RAB1A: variants seen among roughly 807,000 people sequenced by gnomAD.
RAB1A encodes the protein ras-related protein Rab-1A.
RAB1A carries 2 observed loss-of-function variants against 26.0 expected under a neutral mutation model. That is an observed-to-expected ratio of 0.08 (90% CI 0.03 to 0.24). The LOEUF is 0.24. RAB1A is among the 10% of genes least tolerant of loss of function. The probability of loss-of-function intolerance (pLI) is 1.00; values close to 1 mark genes in which losing one functional copy is unlikely to be tolerated. For missense variants in RAB1A, 100 were observed against 247.0 expected (o/e 0.40, Z 3.99); for synonymous variants, 84 against 84.9 (o/e 0.99, Z 0.06).
chr2:65,102,092 G>A (rs944081847), intron 2 of RAB1A, among the ~76,000 whole-genome samples: 2 of 151,968 alleles, frequency 1.3e-5, no homozygotes, highest in African/African-American at 4.8e-5. Context: ...TCATGTATTT[G>A]CCACTATTTC....
At position 65,120,435 on chromosome 2, in the gene RAB1A, G is replaced by A. The variant is rs117079778; in HGVS notation, c.23+9458C>T. ...CACACCACTACACTCCAGCCTGGGG[G>A]ACAAAGCGACACCTTGTCTCAAAAA... On this transcript the variant is annotated intron_variant, in intron 1 of 5. Transcript: ENST00000409784. 1.3e-3 allele frequency among the ~76,000 whole-genome samples: 158 copies of A among 119,454 alleles called. 5 individuals carry two copies. The East Asian group carries it at 0.037, about 28-fold the overall frequency. The allele number at this position is 119,454 out of a possible 152,430, so 78.4% of individuals were successfully genotyped here. A position where few individuals can be genotyped will look rare whatever the true frequency, so the allele number is the denominator to read the frequency against.
At chr2:65,101,742 CTTTTTTTTTT>C (rs71401771) in intron 2 of RAB1A, among the ~76,000 whole-genome samples, 244 of 70,686 alleles carry the variant, frequency 3.5e-3, no homozygotes, top group Admixed American at 6.8e-3. Context: ...GTATTACTTC[CTTTTTTTTTT>C]TTTTTTTTTT....
chr2:65,086,890 A>G lies in RAB1A; in HGVS notation c.*1603T>C, dbSNP rs1669044057. The stretch of plus-strand genomic sequence containing the variant: ...CTATGATTTTTATTGTGAAATTTTC[A>G]TAGATGGAAAATTGAATATTCTGTC... On this transcript the variant is annotated 3_prime_UTR_variant, in exon 6 of 6. Coordinates refer to ENST00000409784, the MANE Select transcript of RAB1A (RefSeq NM_004161.5). 1 of 152,768 alleles carries G rather than the reference A, an allele frequency of 6.5e-6. No individual in the cohort carries two copies. Among genetic ancestry groups the G allele is most frequent in the Non-Finnish European group, 1.5e-5 (1 of 68,020 alleles). The allele number at this position is 152,768 out of a possible 1,614,324, so 9.5% of individuals were successfully genotyped here. A position where few individuals can be genotyped will look rare whatever the true frequency, so the allele number is the denominator to read the frequency against.
intron 1 of RAB1A, among the ~76,000 whole-genome samples, chr2:65,107,528 C>G (rs546482341): frequency 6.6e-6 from 1 of 152,194 alleles, no homozygotes; most frequent in African/African-American, 2.4e-5. Flanking sequence ...ACTCTGTCGC[C>G]CAGGCTGGAG....
At chr2:65,097,324 G>A (rs564512050) in intron 3 of RAB1A, among the ~76,000 whole-genome samples, 26 of 152,176 alleles carry the variant, frequency 1.7e-4, no homozygotes, top group African/African-American at 5.3e-4. Flanking sequence ...GGGGCTGGGG[G>A]TGTAAAGATG....
At chr2:65,116,614 A>G (rs1422156071) in intron 1 of RAB1A, among the ~76,000 whole-genome samples, 1 of 152,240 alleles carries the variant, frequency 6.6e-6, no homozygotes, top group Non-Finnish European at 1.5e-5. Flanking sequence ...CCTTCCTCCC[A>G]GCAAAACCAT....
At chr2:65,116,110 T>C (rs1669818686) in intron 1 of RAB1A, among the ~76,000 whole-genome samples, 1 of 151,974 alleles carries the variant, frequency 6.6e-6, no homozygotes, top group Non-Finnish European at 1.5e-5. Flanking sequence ...TGAGCTGATA[T>C]CACGCCACTG....
intron 1 of RAB1A, among the ~76,000 whole-genome samples, chr2:65,123,457 A>C (rs940785402): frequency 6.6e-6 from 1 of 151,930 alleles, no homozygotes; most frequent in East Asian, 1.9e-4. Flanking sequence ...GCACATACAT[A>C]AATTATTAAG....
chr2:65,128,241 G>A (rs1313906738), intron 1 of RAB1A, among the ~76,000 whole-genome samples: 2 of 152,136 alleles, frequency 1.3e-5, no homozygotes, highest in African/African-American at 4.8e-5. Flanking sequence ...TTCAGAGGCT[G>A]AGTAACTTGT....
chr2:65,129,727 C>T (rs1670193432), intron 1 of RAB1A, among the ~76,000 whole-genome samples, 166 bp downstream of exon 1: 2 of 151,998 alleles, frequency 1.3e-5, no homozygotes, highest in Non-Finnish European at 2.9e-5. Flanking sequence ...GCCGCCCCTC[C>T]GCGTCAGACA....
chr2:65,106,130 C>T (rs536987811), intron 1 of RAB1A, among the ~76,000 whole-genome samples: 6 of 151,792 alleles, frequency 4.0e-5, no homozygotes, highest in Non-Finnish European at 2.9e-5. Flanking sequence ...CCAGAGATTC[C>T]TTCATGGAAC....
At chr2:65,110,184 G>A (rs574995863) in intron 1 of RAB1A, among the ~76,000 whole-genome samples, 52 of 152,298 alleles carry the variant, frequency 3.4e-4, no homozygotes, top group South Asian at 8.3e-4. Context: ...GCTCACGCCT[G>A]TAATCCCAGC....
rs1362125130 is a variant in RAB1A at position 65,130,068 on chromosome 2, A to G, written c.-153T>C. 5.6e-5 allele frequency: 48 copies of G among 850,748 alleles called. No homozygotes were observed. Among genetic ancestry groups the G allele is most frequent in the East Asian group, 8.0e-5 (3 of 37,546 alleles). 52.7% of individuals were successfully genotyped at this position (850,748 alleles called of 1,614,324 possible). ...CTACTCCGTCCCCTAGAACACAATC[A>G]GCAGCCGCCGCCACTCAGCTATCGC... On this transcript the variant is annotated 5_prime_UTR_variant, in exon 1 of 6. Transcript: ENST00000409784.
rs1023245952 is a variant in RAB1A at position 65,089,186 on chromosome 2, G to A, written c.289-116C>T. ...ACAAAGAGCTAGTGAGACAACTCTA[G>A]CTACAAAATAACCACTGCTAAGGAG... On this transcript the variant is annotated intron_variant, in intron 4 of 5. Transcript: ENST00000409784. 8 of 999,332 alleles carry A rather than the reference G, an allele frequency of 8.0e-6. No individual in the cohort carries two copies. The Admixed American group carries it at 2.1e-4, about 27-fold the overall frequency. 61.9% of individuals were successfully genotyped at this position (999,332 alleles called of 1,614,324 possible). A position where few individuals can be genotyped will look rare whatever the true frequency, so the allele number is the denominator to read the frequency against.
chr2:65,126,707 AT>A (rs1265301983), intron 1 of RAB1A, among the ~76,000 whole-genome samples: 1 of 152,256 alleles, frequency 6.6e-6, no homozygotes, highest in East Asian at 1.9e-4. Context: ...TTAAGATAAC[AT>A]ACTGGAAGCA....
chr2:65,106,092 A>G lies in RAB1A; in HGVS notation c.24-1286T>C, dbSNP rs145714265. On this transcript the variant is annotated intron_variant, in intron 1 of 5. Coordinates refer to ENST00000409784, the MANE Select transcript of RAB1A (RefSeq NM_004161.5). ...AAGGCTCTCTTTATGTATCTCTAAC[A>G]TTGCCAGGCCTAACTCAAAAACTAT... is the stretch of plus-strand genomic sequence containing the variant. 6.0e-4 allele frequency among the ~76,000 whole-genome samples: 92 copies of G among 152,264 alleles called. 1 individual carries two copies. The East Asian group carries it at 0.017, about 28-fold the overall frequency.
At chr2:65,126,126 T>A (rs530243736) in intron 1 of RAB1A, among the ~76,000 whole-genome samples, 16 of 152,076 alleles carry the variant, frequency 1.1e-4, no homozygotes, top group African/African-American at 3.9e-4. Flanking sequence ...TGCTTCAGCC[T>A]GATCAACATT....
intron 1 of RAB1A, among the ~76,000 whole-genome samples, chr2:65,127,892 C>G (rs1437020483): frequency 6.6e-6 from 1 of 152,116 alleles, no homozygotes; most frequent in Non-Finnish European, 1.5e-5. Context: ...CACCACCACG[C>G]CCGGCTAATT....
intron 3 of RAB1A, among the ~76,000 whole-genome samples, chr2:65,094,584 CAAAAAAAA>C (rs11301138): frequency 9.9e-5 from 12 of 121,050 alleles, no homozygotes; most frequent in Admixed American, 8.2e-4. Flanking sequence ...AACTCCGTCT[CAAAAAAAA>C]AAAAAAAGAA....
Sources: gnomAD v4.1 joint callset for allele counts (sites outside exome capture counted in the v4.1 genomes callset) on GRCh38, gnomAD v4.1.1 for gene constraint, MANE v1.5 for transcripts, NCBI Gene and HGNC (gene_info 2026-07-23, HGNC 2026-07-21) for gene names.